DENND2B: variants seen among roughly 807,000 people sequenced by gnomAD.
DENND2B encodes DENN domain-containing protein 2B.
In DENND2B, 32 loss-of-function variants were observed where a neutral mutation model predicts 116.0. The observed-to-expected ratio is 0.28, with a 90% confidence interval of 0.21 to 0.37. The LOEUF is 0.37. DENND2B is among the 10% of genes least tolerant of loss of function. DENND2B has a pLI of 1.00. For missense variants in DENND2B, 1,276 were observed against 1,477.7 expected (o/e 0.86, Z 2.24); for synonymous variants, 588 against 583.9 (o/e 1.01, Z -0.10).
At chr11:8,864,629 T>C (rs1434909459) in intron 2 of DENND2B, among the ~76,000 whole-genome samples, 1 of 152,180 alleles carries the variant, frequency 6.6e-6, no homozygotes, top group Non-Finnish European at 1.5e-5. Flanking sequence ...ACATTAAGCA[T>C]ATTCACTGAA....
intron 4 of DENND2B, among the ~76,000 whole-genome samples, chr11:8,831,028 C>T (rs1313623204): frequency 1.3e-5 from 2 of 152,202 alleles, no homozygotes; most frequent in Non-Finnish European, 2.9e-5. Context: ...CCCAAAGAGG[C>T]AGAGCACCCA....
At chr11:8,758,706 GC>G (rs777257222) in intron 1 of DENND2B, among the ~76,000 whole-genome samples, 63 of 152,146 alleles carry the variant, frequency 4.1e-4, no homozygotes, top group Non-Finnish European at 8.2e-4. Flanking sequence ...ACAACAGTGG[GC>G]CAGAGCTGAG....
At chr11:8,877,591 TG>T (rs567358330) in intron 2 of DENND2B, 1 of 152,368 alleles carries the variant, frequency 6.6e-6, no homozygotes, top group South Asian at 2.1e-4. Context: ...TACCAATCTT[TG>T]TTCTAATGGT....
chr11:8,868,927 G>T (rs1369534858), intron 2 of DENND2B, among the ~76,000 whole-genome samples: 1 of 152,222 alleles, frequency 6.6e-6, no homozygotes, highest in East Asian at 1.9e-4. Flanking sequence ...CGCCCAGGAC[G>T]GCTCTGAGTG....
intron 2 of DENND2B, among the ~76,000 whole-genome samples, chr11:8,865,698 T>C (rs1373288950): frequency 6.8e-6 from 1 of 147,008 alleles, no homozygotes; most frequent in African/African-American, 2.5e-5. Flanking sequence ...TCTGTGATCA[T>C]CAATCTGGAA....
chr11:8,763,668 C>T (rs1405710800), intron 1 of DENND2B, among the ~76,000 whole-genome samples: 2 of 149,220 alleles, frequency 1.3e-5, no homozygotes, highest in African/African-American at 5.0e-5. Context: ...AACAATAAAA[C>T]CCAAAAATAA....
At chr11:8,738,583 G>A (rs1443890394) in intron 2 of DENND2B, among the ~76,000 whole-genome samples, 1 of 152,068 alleles carries the variant, frequency 6.6e-6, no homozygotes, top group Non-Finnish European at 1.5e-5. Context: ...ACATCTCTCA[G>A]ATGTGTCCCC....
intron 4 of DENND2B, chr11:8,718,353 A>G (rs756854313): frequency 2.6e-6 from 4 of 1,534,960 alleles, no homozygotes; most frequent in Non-Finnish European, 2.6e-6. Flanking sequence ...CTCCCTGGGG[A>G]CCTACTTTGG....
intron 14 of DENND2B, chr11:8,699,753 C>T (rs1032134901): frequency 2.1e-5 from 9 of 429,116 alleles, no homozygotes; most frequent in African/African-American, 1.6e-4. Context: ...GAATGCAGAT[C>T]GTGGGTACCC....
chr11:8,820,159 A>G (rs2061708831), intron 4 of DENND2B, among the ~76,000 whole-genome samples: 1 of 152,232 alleles, frequency 6.6e-6, no homozygotes, highest in African/African-American at 2.4e-5. Context: ...CTGCTGTTGA[A>G]GAATATTTAG....
chr11:8,827,766 C>G (rs1311835698), intron 4 of DENND2B, among the ~76,000 whole-genome samples: 3 of 152,128 alleles, frequency 2.0e-5, no homozygotes, highest in Non-Finnish European at 2.9e-5. Flanking sequence ...AAGGGTGAAC[C>G]CTGTACCTCT....
rs35687800 is a variant in DENND2B, at chr11:8,727,900, GT to G, written c.1341-1692del. ...ATTAAAACTAATAGTTTCTCCCCAG[GT>G]TTTTTTTTTTTTTTTTGGCTGAATG... On this transcript the variant is annotated intron_variant, in intron 3 of 19. Transcript: ENST00000313726. Among the ~76,000 whole-genome samples, 755 of 121,590 alleles carry G rather than the reference GT, an allele frequency of 6.2e-3. 2 individuals are homozygous for G. The highest frequency in any genetic ancestry group is 0.029 in the East Asian group (125 of 4,270). 79.8% of individuals were successfully genotyped at this position (121,590 alleles called of 152,430 possible).
At chr11:8,828,800 G>C (rs1292986965) in intron 4 of DENND2B, among the ~76,000 whole-genome samples, 2 of 152,308 alleles carry the variant, frequency 1.3e-5, no homozygotes, top group African/African-American at 4.8e-5. Context: ...TTACCCAAGA[G>C]GGGAAGCTGC....
chr11:8,714,967 A>G (rs931716143), intron 6 of DENND2B, among the ~76,000 whole-genome samples: 1 of 152,194 alleles, frequency 6.6e-6, no homozygotes, highest in African/African-American at 2.4e-5. Context: ...CCCCAGAGGA[A>G]GGAACTGTGA....
chr11:8,728,649 C>A (rs2047550866), intron 3 of DENND2B, among the ~76,000 whole-genome samples: 1 of 152,182 alleles, frequency 6.6e-6, no homozygotes, highest in Admixed American at 6.5e-5. Context: ...CTAAATTTAG[C>A]TCAGCAACTC....
intron 1 of DENND2B, among the ~76,000 whole-genome samples, chr11:8,799,179 G>A (rs2060092730): frequency 6.6e-6 from 1 of 152,104 alleles, no homozygotes; most frequent in Admixed American, 6.6e-5. Context: ...ACTTATTAGA[G>A]TTCAGTTGAC....
At chr11:8,863,584 A>G (rs1004800031) in intron 2 of DENND2B, among the ~76,000 whole-genome samples, 2 of 151,984 alleles carry the variant, frequency 1.3e-5, no homozygotes, top group Non-Finnish European at 2.9e-5. Flanking sequence ...GTGCTATTCT[A>G]ATTCAAAAGA....
At chr11:8,869,148 T>C (rs2063687066) in intron 2 of DENND2B, among the ~76,000 whole-genome samples, 1 of 152,150 alleles carries the variant, frequency 6.6e-6, no homozygotes, top group African/African-American at 2.4e-5. Context: ...GTCACTTCTC[T>C]TTCCCCAAGG....
At chr11:8,891,833 G>A (rs1375167863) in intron 1 of DENND2B, among the ~76,000 whole-genome samples, 3 of 152,212 alleles carry the variant, frequency 2.0e-5, no homozygotes, top group Admixed American at 6.5e-5. Context: ...ACAGATCAAC[G>A]GGACAGAAAG....
Sources: allele counts gnomAD v4.1 joint callset (sites outside exome capture counted in the v4.1 genomes callset), GRCh38; gene constraint gnomAD v4.1.1; transcripts MANE v1.5; gene names NCBI Gene and HGNC (gene_info 2026-07-23, HGNC 2026-07-21).